Variants in SHISA6 observed in about 807,000 individuals in gnomAD.
SHISA6 encodes protein shisa-6.
In SHISA6, 22 loss-of-function variants were observed where a neutral mutation model predicts 47.9. That is an observed-to-expected ratio of 0.46 (90% CI 0.33 to 0.66). The LOEUF (loss-of-function observed/expected upper bound fraction) is 0.66, where lower values mean the gene tolerates loss of function less well. Ranked by LOEUF, SHISA6 falls within the 30% of genes least tolerant of loss-of-function variation. The pLI is 0.02. For synonymous variants in SHISA6, 388 were observed against 337.8 expected, an observed-to-expected ratio of 1.15 and a Z score of -1.63; for missense variants, 680 against 764.6, an observed-to-expected ratio of 0.89 and a Z score of 1.30.
chr17:11,521,038 G>A (rs1261603113), intron 3 of SHISA6, among the ~76,000 whole-genome samples: 2 of 152,064 alleles, frequency 1.3e-5, no homozygotes, highest in African/African-American at 4.8e-5. Context: ...TGACAGAATG[G>A]GGAACATTGT....
intron 3 of SHISA6, among the ~76,000 whole-genome samples, chr17:11,489,230 CG>C (rs1916419474): frequency 6.6e-6 from 1 of 152,088 alleles, no homozygotes; most frequent in Non-Finnish European, 1.5e-5. Context: ...CAGTGCTTCT[CG>C]GGGCCCCAAT....
At chr17:11,504,752 C>T (rs1243844097) in intron 3 of SHISA6, among the ~76,000 whole-genome samples, 1 of 152,142 alleles carries the variant, frequency 6.6e-6, no homozygotes, top group African/African-American at 2.4e-5. Context: ...GACACACACT[C>T]CCTCAGATTC....
chr17:11,290,127 C>G (rs1909469394), intron 2 of SHISA6: 2 of 151,964 alleles, frequency 1.3e-5, no homozygotes, highest in Admixed American at 1.3e-4. Context: ...GCTCTTTGTT[C>G]ATATTTTGTT....
intron 1 of SHISA6, among the ~76,000 whole-genome samples, chr17:11,254,970 T>G (rs1907954276): frequency 6.6e-6 from 1 of 152,218 alleles, no homozygotes; most frequent in Non-Finnish European, 1.5e-5. Context: ...ATCTCAGTAA[T>G]TCAGATGCAA....
intron 3 of SHISA6, chr17:11,380,514 T>C (rs1474576329): frequency 1.3e-5 from 2 of 152,174 alleles, no homozygotes; most frequent in Admixed American, 6.5e-5. Context: ...AGACCAGCTA[T>C]CTCCAGAATG....
At chr17:11,522,186 C>T (rs539914710) in intron 3 of SHISA6, among the ~76,000 whole-genome samples, 3 of 151,942 alleles carry the variant, frequency 2.0e-5, no homozygotes, top group South Asian at 4.1e-4. Flanking sequence ...ACGATGGTCT[C>T]AATCTCCTGA....
chr17:11,449,514 A>G (rs1915327479), intron 3 of SHISA6, among the ~76,000 whole-genome samples: 1 of 152,196 alleles, frequency 6.6e-6, no homozygotes, highest in African/African-American at 2.4e-5. Context: ...TGAGCGAGAC[A>G]CTGAAGGAAT....
At chr17:11,242,298 G>A (rs755745288) in intron 1 of SHISA6, among the ~76,000 whole-genome samples, 28 of 152,218 alleles carry the variant, frequency 1.8e-4, no homozygotes, top group Non-Finnish European at 3.1e-4. Flanking sequence ...AGTAAGAATT[G>A]GTTGAGTGCA....
Position 11,328,813 on chromosome 17 carries a change from G to A in SHISA6, c.800-50601G>A, listed in dbSNP as rs796892544. Among the ~76,000 whole-genome samples the A allele has an allele frequency of 5.3e-5, 8 of 152,172 alleles. 1 individual carries two copies. Among genetic ancestry groups the A allele is most frequent in the African/African-American group, 1.9e-4 (8 of 41,438 alleles). ...CAGGGAAGGGGCAAATGGAGAGGGAGGAAAGGGTGCCCCTTAGATGGAGTC... is the reference window on the plus strand; with the variant it reads ...CAGGGAAGGGGCAAATGGAGAGGGAAGAAAGGGTGCCCCTTAGATGGAGTC... On this transcript the variant is annotated intron_variant, in intron 2 of 5. Coordinates refer to ENST00000441885, the MANE Select transcript of SHISA6 (RefSeq NM_207386.4).
At chr17:11,337,013 G>A (rs1911344048) in intron 2 of SHISA6, among the ~76,000 whole-genome samples, 1 of 152,182 alleles carries the variant, frequency 6.6e-6, no homozygotes, top group Admixed American at 6.5e-5. Context: ...GGAGTGGGAT[G>A]TAGACCCAAA....
intron 3 of SHISA6, among the ~76,000 whole-genome samples, chr17:11,453,858 T>C (rs1040617617): frequency 1.3e-5 from 2 of 152,168 alleles, no homozygotes; most frequent in East Asian, 3.9e-4. Context: ...GGTCAGACTA[T>C]AGGGACAGAG....
intron 3 of SHISA6, among the ~76,000 whole-genome samples, chr17:11,417,800 T>C (rs540113424): frequency 6.6e-6 from 1 of 152,218 alleles, no homozygotes; most frequent in Non-Finnish European, 1.5e-5. Flanking sequence ...AGGATGTATG[T>C]GTCCAACTGA....
Position 11,490,575 on chromosome 17 carries a change from C to T in SHISA6, c.896-61321C>T, listed in dbSNP as rs146297831. On this transcript the variant is annotated intron_variant, in intron 3 of 5. Transcript: ENST00000441885. Reference sequence around the variant, plus strand: ...TCCCATTATTCACACTCTGCTCCAGCGGTCTCTGAGCCCACATGCGCTACT... The same window carrying T: ...TCCCATTATTCACACTCTGCTCCAGTGGTCTCTGAGCCCACATGCGCTACT... Among the ~76,000 whole-genome samples the T allele has an allele frequency of 3.3e-5, 5 of 152,204 alleles. No homozygotes were observed. The East Asian group carries it at 9.7e-4, about 30-fold the overall frequency.
intron 3 of SHISA6, among the ~76,000 whole-genome samples, chr17:11,407,490 A>AT (rs777334949): frequency 4.6e-5 from 5 of 107,538 alleles, no homozygotes; most frequent in Non-Finnish European, 1.1e-4. Context: ...AGTTTAGCAT[A>AT]TTGTTTTTTT....
chr17:11,522,687 A>G (rs2142364163), intron 3 of SHISA6, among the ~76,000 whole-genome samples: 1 of 152,336 alleles, frequency 6.6e-6, no homozygotes. Flanking sequence ...GCTGGCCTTG[A>G]AGTCCTGGCC....
chr17:11,348,416 T>C (rs1911768751), intron 2 of SHISA6, among the ~76,000 whole-genome samples: 1 of 152,186 alleles, frequency 6.6e-6, no homozygotes, highest in African/African-American at 2.4e-5. Context: ...TTAAAGACTT[T>C]CTTGGCAATT....
At chr17:11,375,831 T>C (rs1440626715) in intron 2 of SHISA6, among the ~76,000 whole-genome samples, 2 of 151,824 alleles carry the variant, frequency 1.3e-5, no homozygotes, top group African/African-American at 2.4e-5. Flanking sequence ...TTAGGGAGGG[T>C]TGTCAGTGGT....
intron 3 of SHISA6, among the ~76,000 whole-genome samples, chr17:11,523,875 G>A (rs566817658): frequency 5.9e-4 from 90 of 152,046 alleles, no homozygotes; most frequent in African/African-American, 2.0e-3. Context: ...GCATGGTGGC[G>A]CGTGCCTGTA....
chr17:11,244,911 G>C (rs1907515563), intron 1 of SHISA6, among the ~76,000 whole-genome samples: 2 of 152,166 alleles, frequency 1.3e-5, no homozygotes, highest in Admixed American at 1.3e-4. Flanking sequence ...GGACATTTAT[G>C]GGAGTGTGAG....
Sources: gnomAD v4.1 joint callset for allele counts (sites outside exome capture counted in the v4.1 genomes callset) on GRCh38, gnomAD v4.1.1 for gene constraint, MANE v1.5 for transcripts, NCBI Gene and HGNC (gene_info 2026-07-23, HGNC 2026-07-21) for gene names.